The following NRXN1 variants were observed in gnomAD, a reference collection of about 807,000 sequenced individuals.
NRXN1 encodes neurexin 1.
Under a neutral mutation model 150.9 loss-of-function variants are expected in NRXN1, and 39 were observed. That is an observed-to-expected ratio of 0.26 (90% CI 0.20 to 0.34). The LOEUF is 0.34. NRXN1 is among the 10% of genes least tolerant of loss of function. The pLI is 1.00. For missense variants in NRXN1, 1,815 were observed against 1,949.9 expected (o/e 0.93, Z 1.30); for synonymous variants, 924 against 757.0 (o/e 1.22, Z -3.62).
chr2:50,490,375 C>T lies in NRXN1; in HGVS notation c.3070+5530G>A, dbSNP rs147262026. Reference sequence around the variant, plus strand: ...TTGTCAGGGGTTACAGACGGCCTTCCAACCCATAGTCTCCTTCTCTTCCCT... The same window carrying T: ...TTGTCAGGGGTTACAGACGGCCTTCTAACCCATAGTCTCCTTCTCTTCCCT... On this transcript the variant is annotated intron_variant, in intron 15 of 22. Coordinates refer to ENST00000401669, the MANE Select transcript of NRXN1 (RefSeq NM_001330078.2). Among the ~76,000 whole-genome samples, 648 of 152,252 alleles carry T rather than the reference C, an allele frequency of 4.3e-3. 15 individuals are homozygous for T. The highest frequency in any genetic ancestry group is 0.031 in the Admixed American group (480 of 15,288).
intron 8 of NRXN1, among the ~76,000 whole-genome samples, chr2:50,597,876 C>A (rs1050802823): frequency 6.6e-6 from 1 of 152,144 alleles, no homozygotes; most frequent in Non-Finnish European, 1.5e-5. Context: ...CAGTGGCTCA[C>A]GGCTGTAATC....
At chr2:50,167,993 G>A (rs893931794) in intron 18 of NRXN1, among the ~76,000 whole-genome samples, 1 of 151,862 alleles carries the variant, frequency 6.6e-6, no homozygotes, top group Non-Finnish European at 1.5e-5. Flanking sequence ...AAATGTTACA[G>A]AACAATGCTT....
chr2:50,800,208 A>G (rs1321081558), intron 5 of NRXN1, among the ~76,000 whole-genome samples: 8 of 151,898 alleles, frequency 5.3e-5, no homozygotes, highest in African/African-American at 1.9e-4. Context: ...TAATTTTTCT[A>G]TTTTCAATTT....
chr2:50,345,003 G>C (rs2077841759), intron 17 of NRXN1, among the ~76,000 whole-genome samples: 1 of 152,176 alleles, frequency 6.6e-6, no homozygotes, highest in African/African-American at 2.4e-5. Flanking sequence ...GTTGAGAACT[G>C]CACCCAGGTA....
intron 17 of NRXN1, among the ~76,000 whole-genome samples, chr2:50,454,506 C>T (rs1272095295): frequency 2.0e-5 from 3 of 151,948 alleles, no homozygotes; most frequent in African/African-American, 2.4e-5. Context: ...TAGATACACA[C>T]ACAGAACCTT....
At chr2:50,356,475 C>T (rs2078825109) in intron 17 of NRXN1, among the ~76,000 whole-genome samples, 1 of 152,074 alleles carries the variant, frequency 6.6e-6, no homozygotes, top group Admixed American at 6.5e-5. Flanking sequence ...ATCAATGTTG[C>T]TTTTCTAAAA....
intron 2 of NRXN1, among the ~76,000 whole-genome samples, chr2:50,950,154 G>A (rs1691070898): frequency 6.6e-6 from 1 of 151,982 alleles, no homozygotes; most frequent in Non-Finnish European, 1.5e-5. Context: ...TAGTAATCTG[G>A]GAAAGTGGTT....
intron 8 of NRXN1, among the ~76,000 whole-genome samples, chr2:50,574,540 A>G (rs564492079): frequency 3.3e-5 from 5 of 152,136 alleles, no homozygotes; most frequent in Non-Finnish European, 5.9e-5. Context: ...ATGCATACAT[A>G]GAGGAAGTAT....
At chr2:50,753,090 C>G (rs1003955815) in intron 5 of NRXN1, among the ~76,000 whole-genome samples, 3 of 151,736 alleles carry the variant, frequency 2.0e-5, no homozygotes, top group African/African-American at 4.8e-5. Flanking sequence ...ATTATTTAAT[C>G]TTGGTGTTAA....
chr2:50,515,991 A>T (rs1232712419), intron 12 of NRXN1, among the ~76,000 whole-genome samples: 1 of 152,168 alleles, frequency 6.6e-6, no homozygotes, highest in Non-Finnish European at 1.5e-5. Context: ...CCAGTTAAAA[A>T]AATTCAAAGG....
intron 21 of NRXN1, among the ~76,000 whole-genome samples, chr2:50,032,798 G>A (rs1284224479): frequency 1.3e-5 from 2 of 151,830 alleles, no homozygotes; most frequent in Non-Finnish European, 2.9e-5. Flanking sequence ...CTGTCTGCAA[G>A]CCGGTAAGAG....
At chr2:50,875,690 G>C (rs999035070) in intron 5 of NRXN1, among the ~76,000 whole-genome samples, 1 of 151,726 alleles carries the variant, frequency 6.6e-6, no homozygotes, top group African/African-American at 2.4e-5. Context: ...GGTAAGCAGA[G>C]ACCAACAGAA....
chr2:50,938,283 C>T (rs957157065), intron 2 of NRXN1, among the ~76,000 whole-genome samples: 7 of 152,114 alleles, frequency 4.6e-5, no homozygotes, highest in Non-Finnish European at 1.0e-4. Context: ...TGCTCGATGG[C>T]TATTATGTCA....
chr2:51,004,642 C>T (rs1700480615), intron 2 of NRXN1, among the ~76,000 whole-genome samples: 2 of 150,188 alleles, frequency 1.3e-5, no homozygotes, highest in South Asian at 4.2e-4. Flanking sequence ...GACTCCGTCT[C>T]AAAAATAAAT....
At chr2:50,746,915 T>C (rs72837050) in intron 5 of NRXN1, among the ~76,000 whole-genome samples, 13,487 of 152,124 alleles carry the variant, frequency 0.089, 824 homozygotes, top group Non-Finnish European at 0.12. Context: ...AAATTTTTTT[T>C]TAACACATAC....
chr2:50,139,151 C>G (rs764191964), intron 18 of NRXN1, among the ~76,000 whole-genome samples: 1 of 151,876 alleles, frequency 6.6e-6, no homozygotes, highest in African/African-American at 2.4e-5. Flanking sequence ...CATGGTGAAA[C>G]GCCATCTCTA....
chr2:50,099,034 G>C (rs1700660132), intron 18 of NRXN1, among the ~76,000 whole-genome samples: 1 of 151,908 alleles, frequency 6.6e-6, no homozygotes, highest in African/African-American at 2.4e-5. Context: ...TAAGGATAGT[G>C]TATCTTTTCT....
At chr2:50,158,035 G>A (rs1445468480) in intron 18 of NRXN1, among the ~76,000 whole-genome samples, 1 of 149,900 alleles carries the variant, frequency 6.7e-6, no homozygotes, top group Non-Finnish European at 1.5e-5. Context: ...GCTGGAGAAA[G>A]ATCCTTCAGG....
At chr2:50,268,430 T>C (rs1301998918) in intron 17 of NRXN1, among the ~76,000 whole-genome samples, 1 of 152,192 alleles carries the variant, frequency 6.6e-6, no homozygotes, top group African/African-American at 2.4e-5. Flanking sequence ...CATACTGAAT[T>C]AACCAATAGG....
Sources: gnomAD v4.1 joint callset for allele counts (sites outside exome capture counted in the v4.1 genomes callset) on GRCh38, gnomAD v4.1.1 for gene constraint, MANE v1.5 for transcripts, NCBI Gene and HGNC (gene_info 2026-07-23, HGNC 2026-07-21) for gene names.